Variants in KCNMB2 observed in about 807,000 individuals in gnomAD.
The protein encoded by KCNMB2 is potassium calcium-activated channel subfamily M regulatory beta subunit 2, also known as calcium-activated potassium channel subunit beta-2.
Under a neutral mutation model 24.5 loss-of-function variants are expected in KCNMB2, and 9 were observed. The observed-to-expected ratio is 0.37, with a 90% CI of 0.22 to 0.64. The LOEUF (loss-of-function observed/expected upper bound fraction) is 0.64, where lower values mean the gene tolerates loss of function less well. KCNMB2 is among the 30% of genes least tolerant of loss of function. KCNMB2 has a pLI of 0.63. For missense variants in KCNMB2, 226 were observed against 284.3 expected (o/e 0.79, Z 1.47); for synonymous variants, 109 against 104.4 (o/e 1.04, Z -0.27).
chr3:178,800,801 T>C (rs145388387), intron 1 of KCNMB2, among the ~76,000 whole-genome samples: 30 of 152,170 alleles, frequency 2.0e-4, no homozygotes, highest in Admixed American at 1.4e-3. Flanking sequence ...GATGAATAGA[T>C]AAAGAAAATG....
chr3:178,787,471 G>A (rs1713153746), intron 1 of KCNMB2, among the ~76,000 whole-genome samples: 1 of 152,100 alleles, frequency 6.6e-6, no homozygotes, highest in African/African-American at 2.4e-5. Flanking sequence ...ACTTTATGAG[G>A]TATATACTGT....
At chr3:178,796,653 C>T (rs1477287081) in intron 1 of KCNMB2, among the ~76,000 whole-genome samples, 3 of 151,814 alleles carry the variant, frequency 2.0e-5, no homozygotes, top group Non-Finnish European at 4.4e-5. Context: ...TCCTGAATGA[C>T]CAATGGGTCA....
At chr3:178,833,657 G>A (rs1044949854) in intron 4 of KCNMB2, among the ~76,000 whole-genome samples, 4 of 152,122 alleles carry the variant, frequency 2.6e-5, no homozygotes, top group East Asian at 1.9e-4. Context: ...TACATCAGGC[G>A]CTACTGATAA....
intron 1 of KCNMB2, among the ~76,000 whole-genome samples, chr3:178,555,107 CCT>C (rs10575509): frequency 0.8 from 122,047 of 152,018 alleles, 49,638 homozygotes; most frequent in African/African-American, 0.95. Flanking sequence ...AGAAGAGTGT[CCT>C]CTCACACATG....
At chr3:178,562,190 C>T (rs1716344013) in intron 1 of KCNMB2, among the ~76,000 whole-genome samples, 1 of 152,150 alleles carries the variant, frequency 6.6e-6, no homozygotes, top group South Asian at 2.1e-4. Flanking sequence ...AGATATGTTG[C>T]TTAGCTCTAA....
chr3:178,648,317 C>T (rs1471763664), intron 1 of KCNMB2, among the ~76,000 whole-genome samples: 1 of 152,166 alleles, frequency 6.6e-6, no homozygotes, highest in Non-Finnish European at 1.5e-5. Context: ...GCAAGAGGAT[C>T]ACCTGAGGCC....
chr3:178,794,545 G>A, intron 1 of KCNMB2, among the ~76,000 whole-genome samples: 1 of 152,214 alleles, frequency 6.6e-6, no homozygotes, highest in East Asian at 1.9e-4. Flanking sequence ...CTGCAAGGCA[G>A]ATCCATCCAA....
Position 178,835,337 on chromosome 3 carries a change from C to G in KCNMB2, c.423+6964C>G, listed in dbSNP as rs144929529. Among the ~76,000 whole-genome samples, 21 of 152,168 alleles carry G rather than the reference C, an allele frequency of 1.4e-4. No homozygotes were observed. In the East Asian group the frequency reaches 4.1e-3, roughly 29 times the overall value. On this transcript the variant is annotated intron_variant, in intron 4 of 4. Coordinates refer to ENST00000452583, the MANE Select transcript of KCNMB2 (RefSeq NM_181361.3). ...GCAGATACTAGAAGTTCAAACTAAA[C>G]AAGTCTAAGGTAAATGTTGTAGGAT... is the stretch of plus-strand genomic sequence containing the variant.
intron 1 of KCNMB2, among the ~76,000 whole-genome samples, chr3:178,719,022 C>T (rs567847979): frequency 1.7e-4 from 26 of 152,274 alleles, no homozygotes; most frequent in African/African-American, 5.1e-4. Context: ...AATGATCTCT[C>T]GCAGCCTCCA....
chr3:178,595,826 C>T (rs181720830), intron 1 of KCNMB2, among the ~76,000 whole-genome samples: 88 of 152,156 alleles, frequency 5.8e-4, no homozygotes, highest in Non-Finnish European at 4.0e-4. Context: ...CAATGAATGG[C>T]GCAGGATGAC....
intron 1 of KCNMB2, among the ~76,000 whole-genome samples, chr3:178,612,120 G>A (rs1718503810): frequency 6.6e-6 from 1 of 152,108 alleles, no homozygotes; most frequent in African/African-American, 2.4e-5. Context: ...GAAGATTATT[G>A]ACATTATTTT....
chr3:178,589,626 G>A (rs1429092792), intron 1 of KCNMB2, among the ~76,000 whole-genome samples: 1 of 152,108 alleles, frequency 6.6e-6, no homozygotes, highest in East Asian at 1.9e-4. Flanking sequence ...CTACAAGTGT[G>A]TGCCACCACA....
intron 1 of KCNMB2, among the ~76,000 whole-genome samples, chr3:178,691,261 C>T (rs1253794496): frequency 2.7e-5 from 4 of 148,900 alleles, no homozygotes; most frequent in African/African-American, 9.9e-5. Context: ...TTTTTTTTAA[C>T]TTTTGTTTTA....
chr3:178,783,720 C>T (rs1264312660), intron 1 of KCNMB2, among the ~76,000 whole-genome samples: 3 of 152,016 alleles, frequency 2.0e-5, no homozygotes, highest in Admixed American at 6.6e-5. Context: ...TCTAGATATA[C>T]AATCATGTCG....
intron 1 of KCNMB2, among the ~76,000 whole-genome samples, chr3:178,626,022 C>T (rs993264355): frequency 2.0e-5 from 3 of 152,292 alleles, no homozygotes; most frequent in Non-Finnish European, 4.4e-5. Context: ...ATCAGGGAAA[C>T]TATTTTAATG....
chr3:178,559,138 G>C (rs909249064), intron 1 of KCNMB2, among the ~76,000 whole-genome samples: 1 of 152,198 alleles, frequency 6.6e-6, no homozygotes, highest in Non-Finnish European at 1.5e-5. Context: ...TGATGGAAAA[G>C]TGTAGAAAAT....
intron 1 of KCNMB2, among the ~76,000 whole-genome samples, chr3:178,781,955 C>A (rs1164126922): frequency 1.1e-4 from 13 of 114,872 alleles, no homozygotes; most frequent in Non-Finnish European, 1.8e-4. Flanking sequence ...CCCACCCCAC[C>A]ACAGTCCCCA....
intron 1 of KCNMB2, among the ~76,000 whole-genome samples, chr3:178,690,813 C>T (rs1008914207): frequency 6.6e-6 from 1 of 152,206 alleles, no homozygotes; most frequent in South Asian, 2.1e-4. Flanking sequence ...GAATGAAACT[C>T]AGAGTTCTTC....
chr3:178,745,794 A>G (rs1378005781), intron 1 of KCNMB2, among the ~76,000 whole-genome samples: 32 of 152,226 alleles, frequency 2.1e-4, no homozygotes, highest in Non-Finnish European at 2.9e-5. Flanking sequence ...GAAATCCAGC[A>G]GGGCAATCAA....
Sources: allele counts gnomAD v4.1 joint callset (sites outside exome capture counted in the v4.1 genomes callset), GRCh38; gene constraint gnomAD v4.1.1; transcripts MANE v1.5; gene names NCBI Gene and HGNC (gene_info 2026-07-23, HGNC 2026-07-21).